The following ABCB5 variants were observed in gnomAD, a reference collection of about 807,000 sequenced individuals.
ABCB5 encodes the protein ATP-binding cassette sub-family B member 5.
In ABCB5, 155 loss-of-function variants were observed where a neutral mutation model predicts 144.2. The observed-to-expected ratio is 1.08, with a 90% CI of 0.94 to 1.23. The LOEUF (loss-of-function observed/expected upper bound fraction) is 1.23. Ranked by LOEUF, ABCB5 falls within the 50% of genes most tolerant of loss-of-function variation. The pLI, the probability that ABCB5 is intolerant of heterozygous loss-of-function variation, is 0.00. For synonymous variants in ABCB5, 610 were observed against 528.6 expected (o/e 1.15, Z -2.11); for missense variants, 1,830 against 1,520.8 (o/e 1.20, Z -3.38).
intron 14 of ABCB5, among the ~76,000 whole-genome samples, chr7:20,663,492 G>C (rs920961541): frequency 1.4e-4 from 21 of 152,078 alleles, no homozygotes; most frequent in African/African-American, 4.8e-4. Context: ...GACAAAAAAG[G>C]ATCCATATTG....
chr7:20,715,018 T>A (rs574265109), intron 20 of ABCB5, among the ~76,000 whole-genome samples: 1 of 152,188 alleles, frequency 6.6e-6, no homozygotes, highest in Non-Finnish European at 1.5e-5. Context: ...GCATGCTTTT[T>A]GTCTTTACTT....
rs1005532416 is a variant in ABCB5 at position 20,713,039 on chromosome 7, A to G, written c.2421+8232A>G. On this transcript the variant is annotated intron_variant, in intron 20 of 27. Transcript: ENST00000404938. ...TGAAATTGTGTGTCCTTTTACCAACATCTTCTCAACCCCCTGAATCCCCAT... is the reference window on the plus strand; with the variant it reads ...TGAAATTGTGTGTCCTTTTACCAACGTCTTCTCAACCCCCTGAATCCCCAT... 2.7e-5 allele frequency among the ~76,000 whole-genome samples: 4 copies of G among 149,416 alleles called. 1 individual carries two copies. Among genetic ancestry groups the G allele is most frequent in the Non-Finnish European group, 5.9e-5 (4 of 67,240 alleles).
At chr7:20,656,648 T>A (rs1478445921) in intron 13 of ABCB5, among the ~76,000 whole-genome samples, 1 of 151,950 alleles carries the variant, frequency 6.6e-6, no homozygotes, top group Non-Finnish European at 1.5e-5. Flanking sequence ...GATCTCTCAT[T>A]CATTCAAATA....
chr7:20,651,690 T>C (rs1286778062), intron 13 of ABCB5, 67 bp downstream of exon 13: 9 of 1,502,272 alleles, frequency 6.0e-6, no homozygotes, highest in Non-Finnish European at 8.3e-6. Context: ...CAATATAAGG[T>C]AATGAAACAA....
chr7:20,679,744 A>G (rs1474320048), intron 14 of ABCB5, among the ~76,000 whole-genome samples: 1 of 152,238 alleles, frequency 6.6e-6, no homozygotes, highest in Non-Finnish European at 1.5e-5. Flanking sequence ...GATAGTTCTC[A>G]CCCATCAGAC....
rs906321688 is a variant in ABCB5 at position 20,659,865 on chromosome 7, G to C, written c.1707+1189G>C. The C allele has an allele frequency of 4.9e-5, 44 of 905,750 alleles. No homozygotes were observed. In the Admixed American group the frequency reaches 2.5e-3, roughly 51 times the overall value. The allele number at this position is 905,750 out of a possible 1,614,324, so 56.1% of individuals were successfully genotyped here. On this transcript the variant is annotated intron_variant, in intron 14 of 27. Coordinates refer to ENST00000404938, the MANE Select transcript of ABCB5 (RefSeq NM_001163941.2). ...CACCCAGCTAATTTTTGTATTTTTAGTAGAGACAAGGTTTTGCCATGTTGA... is the reference window on the plus strand; with the variant it reads ...CACCCAGCTAATTTTTGTATTTTTACTAGAGACAAGGTTTTGCCATGTTGA...
chr7:20,691,012 T>C (rs1250630406), intron 16 of ABCB5, among the ~76,000 whole-genome samples: 1 of 152,100 alleles, frequency 6.6e-6, no homozygotes, highest in Non-Finnish European at 1.5e-5. Context: ...ATATGTGAAA[T>C]AATGGCTTCT....
At chr7:20,662,927 G>T (rs554214085) in intron 14 of ABCB5, among the ~76,000 whole-genome samples, 1 of 152,298 alleles carries the variant, frequency 6.6e-6, no homozygotes, top group African/African-American at 2.4e-5. Flanking sequence ...GAAGCCATTT[G>T]TGGGTCCTTA....
Position 20,676,167 on chromosome 7 carries a change from TACACAC to T in ABCB5, c.1708-5310_1708-5305del, listed in dbSNP as rs60855145. On this transcript the variant is annotated intron_variant, in intron 14 of 27. Transcript: ENST00000404938. ...TGTGACCCAGCAATTCTACTACACATACACACACACACACACACACACACACACACA... is the reference window on the plus strand; with the variant it reads ...TGTGACCCAGCAATTCTACTACACATACACACACACACACACACACACACA... Among the ~76,000 whole-genome samples the T allele has an allele frequency of 1.4e-4, 18 of 124,598 alleles. 1 individual carries two copies. Among genetic ancestry groups the T allele is most frequent in the Admixed American group, 3.8e-4 (5 of 12,996 alleles). 81.7% of individuals were successfully genotyped at this position (124,598 alleles called of 152,430 possible).
At chr7:20,744,626 G>T (rs149297544) in intron 25 of ABCB5, among the ~76,000 whole-genome samples, 57 of 150,670 alleles carry the variant, frequency 3.8e-4, no homozygotes, top group African/African-American at 1.2e-3. Flanking sequence ...ATGGGGGGAG[G>T]GGGGAGGGAC....
At position 20,628,697 on chromosome 7, in the gene ABCB5, G is replaced by A. The variant is rs750903193; in HGVS notation, c.118G>A (p.Ala40Thr). 1.9e-6 allele frequency: 3 copies of A among 1,612,530 alleles called. No individual in the cohort carries two copies. The highest frequency in any genetic ancestry group is 1.3e-5 in the African/African-American group (1 of 74,786). Residue 40 changes from alanine (A) to threonine (T), a missense_variant, in exon 4 of 28, where the codon GCT (alanine) becomes ACT (threonine). By Grantham distance (58) the Ala-to-Thr change is moderately conservative. Transcript: ENST00000404938. ...GCTTTGTTTTCCTCAGTTCCGCTTT[G>A]CTGATGGACTGGACATCACACTCAT... ...AVGSIEIFRFADGLDITLMIL... is the reference protein window; with the variant it reads ...AVGSIEIFRFTDGLDITLMIL...
intron 19 of ABCB5, among the ~76,000 whole-genome samples, chr7:20,704,384 C>T (rs1169668947): frequency 2.0e-5 from 3 of 152,048 alleles, no homozygotes; most frequent in African/African-American, 7.2e-5. Context: ...CATCGCCTTA[C>T]TTTTGAATTA....
chr7:20,636,109 T>A (rs1044815501), intron 5 of ABCB5, among the ~76,000 whole-genome samples: 3 of 152,170 alleles, frequency 2.0e-5, no homozygotes, highest in African/African-American at 7.2e-5. Flanking sequence ...TCCCTTGAAT[T>A]GAGTTTTGCT....
intron 13 of ABCB5, among the ~76,000 whole-genome samples, chr7:20,655,685 C>T (rs1784764175): frequency 6.6e-6 from 1 of 152,288 alleles, no homozygotes; most frequent in South Asian, 2.1e-4. Context: ...GTACCTTATT[C>T]ATTGATTTAG....
chr7:20,623,717 G>A (rs1425767752), intron 2 of ABCB5, among the ~76,000 whole-genome samples: 2 of 152,046 alleles, frequency 1.3e-5, no homozygotes, highest in African/African-American at 2.4e-5. Flanking sequence ...ATTCGATTCC[G>A]ATTATTTTCT....
intron 20 of ABCB5, among the ~76,000 whole-genome samples, chr7:20,709,248 A>G (rs1786930533): frequency 7.6e-6 from 1 of 132,118 alleles, no homozygotes; most frequent in African/African-American, 2.8e-5. Flanking sequence ...TGCTTGGCCA[A>G]TGAATAAGCC....
chr7:20,698,245 G>A (rs535935736), intron 16 of ABCB5, among the ~76,000 whole-genome samples, 162 bp from the exon 17 acceptor site: 2 of 152,208 alleles, frequency 1.3e-5, no homozygotes, highest in African/African-American at 2.4e-5. Flanking sequence ...TAGGGTCATC[G>A]TTAATAATAC....
In ABCB5 at chr7:20,647,614, G is replaced by A. The variant is rs138937990; in HGVS notation, c.1061G>A (p.Gly354Glu). 17 of 1,581,894 alleles carry A rather than the reference G, an allele frequency of 1.1e-5. No homozygotes were observed. Among genetic ancestry groups the A allele is most frequent in the Admixed American group, 1.8e-5 (1 of 55,486 alleles). The change falls in exon 10 of 28, where the codon GGA becomes GAA. Residue 354 changes from glycine to glutamate, a missense_variant. By Grantham distance (98) the Gly-to-Glu change is moderately conservative. Coordinates refer to ENST00000404938, the MANE Select transcript of ABCB5 (RefSeq NM_001163941.2). ...PHFETFAIAR[G>E]AAFHIFQVID... is the part of the protein sequence containing the mutation. ...TTTGAAACCTTCGCAATAGCCCGAG[G>A]AGCTGCCTTTCATATTTTCCAGGTT...
chr7:20,741,920 AG>A (rs1158549627), intron 24 of ABCB5, among the ~76,000 whole-genome samples: 17 of 152,364 alleles, frequency 1.1e-4, no homozygotes, highest in African/African-American at 3.6e-4. Context: ...AAATATATAA[AG>A]GGAAAGTTAA....
Sources: gnomAD v4.1 joint callset for allele counts (sites outside exome capture counted in the v4.1 genomes callset) on GRCh38, gnomAD v4.1.1 for gene constraint, MANE v1.5 for transcripts, NCBI Gene and HGNC (gene_info 2026-07-23, HGNC 2026-07-21) for gene names.